The following FCHSD1 variants were observed in gnomAD, a reference collection of about 807,000 sequenced individuals.
The protein encoded by FCHSD1 is FCH and double SH3 domains 1.
FCHSD1 carries 109 observed loss-of-function variants against 101.3 expected under a neutral mutation model. The observed-to-expected ratio is 1.08, with a 90% CI of 0.92 to 1.26. The LOEUF (loss-of-function observed/expected upper bound fraction) is 1.26. Ranked by LOEUF, FCHSD1 falls within the 50% of genes most tolerant of loss-of-function variation. FCHSD1 has a pLI of 0.00. For synonymous variants in FCHSD1, 291 were observed against 356.8 expected (o/e 0.82, Z 2.08); for missense variants, 820 against 895.8 (o/e 0.92, Z 1.08).
At position 141,644,402 on chromosome 5, in the gene FCHSD1, T is replaced by A; in HGVS notation, c.1679A>T (p.Gln560Leu). 1.2e-6 allele frequency: 2 copies of A among 1,613,918 alleles called. No homozygotes were observed. The highest frequency in any genetic ancestry group is 1.7e-6 in the Non-Finnish European group (2 of 1,179,846). The change falls in exon 17 of 20, where the codon CAG becomes CTG. Residue 560 changes from glutamine to leucine, a missense_variant. Physicochemically the swap from Gln to Leu is moderately radical, Grantham distance 113. Transcript: ENST00000435817. The stretch of plus-strand genomic sequence containing the variant: ...AGGGAAGCTCAGCTCCTCTGCACTC[T>A]GTCCGGTGTAGCTGTACAGGGCCTG... ...LAQALYSYTG[Q>L]SAEELSFPEG...
intron 18 of FCHSD1, chr5:141,642,537 C>T (rs1178253624): frequency 7.5e-6 from 4 of 530,030 alleles, no homozygotes; most frequent in Non-Finnish European, 1.3e-5. Flanking sequence ...CTGCTATAGA[C>T]ATTTAAAAAA....
In FCHSD1 at chr5:141,645,799, C is replaced by A. The variant is rs750534773; in HGVS notation, c.1283G>T (p.Arg428Leu). 1.9e-6 allele frequency: 3 copies of A among 1,610,510 alleles called. No homozygotes were observed. Among genetic ancestry groups the A allele is most frequent in the South Asian group, 2.2e-5 (2 of 90,470 alleles). Residue 428 changes from arginine (R) to leucine (L), a missense_variant, in exon 13 of 20, where the codon CGG becomes CTG. Coordinates refer to ENST00000435817, the MANE Select transcript of FCHSD1 (RefSeq NM_033449.3). ...VEQERRLSEA[R>L]LSQRDLSPTA... ...TGGAGAGAGGTCCCTCTGGGACAGC[C>A]GAGCCTCACTGAGCCGCCGCTCCTG...
Position 141,639,806 on chromosome 5 carries a change from C to T in FCHSD1, c.*1692G>A. Reference sequence around the variant, plus strand: ...GCCCCACAATCTGAGAAGGCCTCCCCTACCTTAGGCCAGAGGGAAGTAGCC... The same window carrying T: ...GCCCCACAATCTGAGAAGGCCTCCCTTACCTTAGGCCAGAGGGAAGTAGCC... On this transcript the variant is annotated 3_prime_UTR_variant, in exon 20 of 20. Coordinates refer to ENST00000435817, the MANE Select transcript of FCHSD1 (RefSeq NM_033449.3). This position sits in a 1 kb window ranked among gnomAD's most constrained non-coding sequence, Gnocchi z 4.4. 7.6e-7 allele frequency: 1 copy of T among 1,323,338 alleles called. No homozygotes were observed. The highest frequency in any genetic ancestry group is 1.3e-5 in the South Asian group (1 of 77,568). 82.0% of individuals were successfully genotyped at this position (1,323,338 alleles called of 1,614,324 possible). A position where few individuals can be genotyped will look rare whatever the true frequency, so the allele number is the denominator to read the frequency against.
chr5:141,639,905 TC>T lies in FCHSD1; in HGVS notation c.*1592del. On this transcript the variant is annotated 3_prime_UTR_variant, in exon 20 of 20. Coordinates refer to ENST00000435817, the MANE Select transcript of FCHSD1 (RefSeq NM_033449.3). The surrounding 1 kb of genome is among the most constrained non-coding windows in gnomAD (Gnocchi z 4.4). ...GAGTTGTGGTCCTAAACCCCAGTGT[TC>T]CCTCCCCTCCCAGGTTCCGGGTGAC... 1 of 1,613,460 alleles carries T rather than the reference TC, an allele frequency of 6.2e-7. No homozygotes were observed.
rs1347027192 is a variant in FCHSD1 at position 141,644,243 on chromosome 5, G to A, written c.1838C>T (p.Pro613Leu). Residue 613 changes from proline to leucine, a missense_variant, in exon 17 of 20, where the codon CCA becomes CTA. Transcript: ENST00000435817. ...LVEELLGPPG[P>L]PELSDPEQML... The stretch of plus-strand genomic sequence containing the variant: ...CTGTTCAGGGTCAGAGAGTTCAGGT[G>A]GCCCTGGGGGGCCAAGCAGCTCTTC... 2.5e-6 allele frequency: 4 copies of A among 1,612,602 alleles called. No individual in the cohort carries two copies. The African/African-American group carries it at 5.3e-5, about 22-fold the overall frequency.
intron 11 of FCHSD1, 61 bp from the exon 12 acceptor site, chr5:141,646,252 G>T: frequency 7.1e-7 from 1 of 1,409,906 alleles, no homozygotes. Flanking sequence ...ACTTACTATG[G>T]GACTGGTACT....
intron 7 of FCHSD1, 71 bp from the exon 8 acceptor site, chr5:141,648,167 C>A: frequency 6.6e-7 from 1 of 1,508,624 alleles, no homozygotes. Flanking sequence ...ATTGAGAAGC[C>A]AGATCCAGAA....
rs781067300 is a variant in FCHSD1 at position 141,641,523 on chromosome 5, G to A, written c.2048C>T (p.Pro683Leu). 2.0e-6 allele frequency: 3 copies of A among 1,511,728 alleles called. No homozygotes were observed. In the South Asian group the frequency reaches 4.0e-5, roughly 20 times the overall value. The allele number at this position is 1,511,728 out of a possible 1,614,324, so 93.6% of individuals were successfully genotyped here. ...TCAGGTGAGGGGATCTGGGTGGCCAGGATCCGGGGCTTTAGCCGGCGGGGG... is the reference window on the plus strand; with the variant it reads ...TCAGGTGAGGGGATCTGGGTGGCCAAGATCCGGGGCTTTAGCCGGCGGGGG... ...PPPPPAKAPD[P>L]GHPDPLT The change falls in exon 20 of 20, where the codon CCT becomes CTT. Residue 683 changes from proline (P) to leucine (L), a missense_variant. Physicochemically the swap from Pro to Leu is moderately conservative, Grantham distance 98 (BLOSUM62 -3). Transcript: ENST00000435817.
rs1279924021 is a variant in FCHSD1, at chr5:141,640,949, T to C, written c.*549A>G. 2 of 508,152 alleles carry C rather than the reference T, an allele frequency of 3.9e-6. No homozygotes were observed. Among genetic ancestry groups the C allele is most frequent in the East Asian group, 3.1e-5 (1 of 32,632 alleles). 31.5% of individuals were successfully genotyped at this position (508,152 alleles called of 1,614,324 possible). A position where few individuals can be genotyped will look rare whatever the true frequency, so the allele number is the denominator to read the frequency against. ...GCTGGGAGCAGGCCCCTGCCCGTGG[T>C]GGGCCCCTAAAGCAATAGCACCGTA... On this transcript the variant is annotated 3_prime_UTR_variant, in exon 20 of 20. Coordinates refer to ENST00000435817, the MANE Select transcript of FCHSD1 (RefSeq NM_033449.3).
At chr5:141,643,457 TCTC>T (rs1424044307) in intron 17 of FCHSD1, among the ~76,000 whole-genome samples, 1 of 152,184 alleles carries the variant, frequency 6.6e-6, no homozygotes, top group African/African-American at 2.4e-5. Context: ...AGAACCCAGT[TCTC>T]CTGATGCCCA....
chr5:141,648,975 G>A lies in FCHSD1; in HGVS notation c.558C>T (p.Leu186=), dbSNP rs375740679. 24 of 1,613,814 alleles carry A rather than the reference G, an allele frequency of 1.5e-5. No individual in the cohort carries two copies. Among genetic ancestry groups the A allele is most frequent in the Non-Finnish European group, 1.9e-5 (23 of 1,179,880 alleles). Residue 186 remains leucine (L), a synonymous_variant, in exon 7 of 20, where the codon CTC becomes CTT. Transcript: ENST00000435817. ...DHGIFHSRTS[L]QKLSTKLSAQ... ...CTCGAACCTTGGTGCTCAGTTTCTGGAGACTGGTCCGAGAGTGGAAGATCC... is the reference window on the plus strand; with the variant it reads ...CTCGAACCTTGGTGCTCAGTTTCTGAAGACTGGTCCGAGAGTGGAAGATCC...
At chr5:141,647,771 G>T in intron 8 of FCHSD1, 197 bp downstream of exon 8, 1 of 962,210 alleles carries the variant, frequency 1.0e-6, no homozygotes. Context: ...GGAATCTGGG[G>T]TTCGGAAGAG....
Position 141,649,263 on chromosome 5 carries a change from C to A in FCHSD1, c.421G>T (p.Val141Phe). ...QRAQAEVLQS[V>F]RELSRSRKLY... Reference sequence around the variant, plus strand: ...TTCCGACTTCGGCTCAGCTCCCGGACAGACTGCAGCACCTCAGCCTGCGCC... The same window carrying A: ...TTCCGACTTCGGCTCAGCTCCCGGAAAGACTGCAGCACCTCAGCCTGCGCC... Residue 141 changes from valine to phenylalanine, a missense_variant, in exon 6 of 20, where the codon GTC becomes TTC. Val to Phe is a conservative substitution (Grantham distance 50). Transcript: ENST00000435817. The surrounding 1 kb of genome is among the most constrained non-coding windows in gnomAD (Gnocchi z 4.1). 1 of 1,614,030 alleles carries A rather than the reference C, an allele frequency of 6.2e-7. No homozygotes were observed. Among genetic ancestry groups the A allele is most frequent in the African/African-American group, 1.3e-5 (1 of 75,060 alleles).
At chr5:141,645,955 T>C (rs2099907604) in intron 12 of FCHSD1, 23 bp from the exon 13 acceptor site, 2 of 1,553,102 alleles carry the variant, frequency 1.3e-6, no homozygotes, top group Non-Finnish European at 1.7e-6. Flanking sequence ...GGAAGTAAGT[T>C]AGTGGAACCT....
chr5:141,650,024 C>T lies in FCHSD1; in HGVS notation c.166-70G>A, dbSNP rs1035040395. The T allele has an allele frequency of 2.1e-6, 3 of 1,438,750 alleles. No individual in the cohort carries two copies. In the African/African-American group the frequency reaches 4.3e-5, roughly 21 times the overall value. 89.1% of individuals were successfully genotyped at this position (1,438,750 alleles called of 1,614,324 possible). On this transcript the variant is annotated intron_variant, in intron 3 of 19. Coordinates refer to ENST00000435817, the MANE Select transcript of FCHSD1 (RefSeq NM_033449.3). ...CACCCCAACTGGCAGAATATGACAT[C>T]AGAGTATAATCATACCATTCTTTGG...
In FCHSD1 at chr5:141,646,720, C is replaced by T. The variant is rs762429286; in HGVS notation, c.927G>A (p.Val309=). The T allele has an allele frequency of 2.4e-5, 38 of 1,612,634 alleles. No homozygotes were observed. Among genetic ancestry groups the T allele is most frequent in the East Asian group, 4.5e-5 (2 of 44,864 alleles). ...CTTCTGCTCCCCACTCCAGGACACA[C>T]ACCTGAATGGGTCAGGGGGTGCTGT... ...QQFQPAGTDQ[V]CVLEWGAEGV... Residue 309 remains valine (V), a splice_region_variant and synonymous_variant, in exon 11 of 20, where the codon GTG becomes GTA. Coordinates refer to ENST00000435817, the MANE Select transcript of FCHSD1 (RefSeq NM_033449.3).
rs751472467 is a variant in FCHSD1, at chr5:141,651,124, G to C, written c.22-7C>G. ...CCTCCTGGGCCGGCTTCACCTGTGGGGGCAAAGAGAGGATGAAGACCCCAG... is the reference window on the plus strand; with the variant it reads ...CCTCCTGGGCCGGCTTCACCTGTGGCGGCAAAGAGAGGATGAAGACCCCAG... On this transcript the variant is annotated splice_region_variant and splice_polypyrimidine_tract_variant and intron_variant, in intron 1 of 19. Transcript: ENST00000435817. 1.1e-5 allele frequency: 17 copies of C among 1,578,070 alleles called. No homozygotes were observed. Among genetic ancestry groups the C allele is most frequent in the Non-Finnish European group, 1.5e-5 (17 of 1,161,114 alleles).
rs1226256468 is a variant in FCHSD1 at position 141,646,083 on chromosome 5, T to G, written c.1149+4A>C. On this transcript the variant is annotated splice_donor_region_variant and intron_variant, in intron 12 of 19. Transcript: ENST00000435817. Reference sequence around the variant, plus strand: ...GGATCTCTAACCTCAGGGGTGTGCCTCACCTGTGCCCGGCGGATGCTCTCT... The same window carrying G: ...GGATCTCTAACCTCAGGGGTGTGCCGCACCTGTGCCCGGCGGATGCTCTCT... 5.0e-6 allele frequency: 8 copies of G among 1,607,086 alleles called. No homozygotes were observed. Among genetic ancestry groups the G allele is most frequent in the Non-Finnish European group, 6.8e-6 (8 of 1,176,972 alleles).
chr5:141,646,961 C>A (rs1442153524), intron 10 of FCHSD1, among the ~76,000 whole-genome samples, 174 bp downstream of exon 10: 2 of 152,148 alleles, frequency 1.3e-5, no homozygotes, highest in Non-Finnish European at 2.9e-5. Context: ...GAAAGGTGGA[C>A]TGAGGTGTGT....
Sources: allele counts gnomAD v4.1 joint callset (sites outside exome capture counted in the v4.1 genomes callset), GRCh38; gene constraint gnomAD v4.1.1; non-coding constraint Gnocchi (gnomAD v3.1); transcripts MANE v1.5; gene names NCBI Gene and HGNC (gene_info 2026-07-23, HGNC 2026-07-21).